LSAMP: variants seen among roughly 807,000 people sequenced by gnomAD.
LSAMP encodes the protein limbic system-associated membrane protein.
Under a neutral mutation model 38.6 loss-of-function variants are expected in LSAMP, and 7 were observed. The observed-to-expected ratio is 0.18, with a 90% CI of 0.10 to 0.34. The LOEUF (loss-of-function observed/expected upper bound fraction) is 0.34, where lower values mean the gene tolerates loss of function less well. Ranked by LOEUF, LSAMP falls within the 10% of genes least tolerant of loss-of-function variation. The pLI, the probability that LSAMP is intolerant of heterozygous loss-of-function variation, is 1.00. For missense variants in LSAMP, 313 were observed against 420.0 expected (o/e 0.75, Z 2.23); for synonymous variants, 154 against 166.8 (o/e 0.92, Z 0.59).
At chr3:116,060,252 A>G (rs1433930016) in intron 2 of LSAMP, among the ~76,000 whole-genome samples, 2 of 149,446 alleles carry the variant, frequency 1.3e-5, no homozygotes, top group African/African-American at 5.0e-5. Context: ...AATTCTGAGT[A>G]TGAGTTCTTT....
At chr3:116,027,685 G>T (rs781277686) in intron 2 of LSAMP, among the ~76,000 whole-genome samples, 1 of 152,054 alleles carries the variant, frequency 6.6e-6, no homozygotes, top group Non-Finnish European at 1.5e-5. Flanking sequence ...TGTCAGTTTG[G>T]TTGCTTTAAA....
At chr3:116,096,918 TCTC>T (rs1316004980) in intron 1 of LSAMP, among the ~76,000 whole-genome samples, 3 of 152,220 alleles carry the variant, frequency 2.0e-5, no homozygotes, top group Non-Finnish European at 4.4e-5. Flanking sequence ...AACTAGAAAT[TCTC>T]CTCTTTCCTC....
chr3:116,207,737 C>G (rs1182082813), intron 1 of LSAMP, among the ~76,000 whole-genome samples: 2 of 151,928 alleles, frequency 1.3e-5, no homozygotes, highest in African/African-American at 2.4e-5. Flanking sequence ...TTGGTCCCCA[C>G]TCTCTTCTGG....
At chr3:116,124,115 T>A (rs1221311983) in intron 1 of LSAMP, among the ~76,000 whole-genome samples, 1 of 152,126 alleles carries the variant, frequency 6.6e-6, no homozygotes, top group African/African-American at 2.4e-5. Context: ...GAAAGAACAA[T>A]GGAATCACTC....
chr3:116,307,244 G>C lies in LSAMP; in HGVS notation c.155+137633C>G, dbSNP rs368281130. 3.3e-5 allele frequency among the ~76,000 whole-genome samples: 5 copies of C among 152,106 alleles called. No homozygotes were observed. In the East Asian group the frequency reaches 5.8e-4, roughly 18 times the overall value. On this transcript the variant is annotated intron_variant, in intron 1 of 6. Transcript: ENST00000490035. Reference sequence around the variant, plus strand: ...TTAAATGGACAGAACACTATAATAAGTAATTTAGAAGAGCAGATAATCCAA... The same window carrying C: ...TTAAATGGACAGAACACTATAATAACTAATTTAGAAGAGCAGATAATCCAA...
At chr3:116,331,336 C>G (rs1001741273) in intron 1 of LSAMP, among the ~76,000 whole-genome samples, 1 of 152,060 alleles carries the variant, frequency 6.6e-6, no homozygotes. Context: ...CCAGAGAGAA[C>G]ATTTGAAAAA....
At chr3:116,206,615 G>A (rs368820222) in intron 1 of LSAMP, among the ~76,000 whole-genome samples, 64 of 145,862 alleles carry the variant, frequency 4.4e-4, no homozygotes, top group African/African-American at 1.5e-3. Context: ...CTTTGTTCTC[G>A]TTGGTTTCAA....
intron 1 of LSAMP, among the ~76,000 whole-genome samples, chr3:116,296,647 A>G (rs2047338799): frequency 7.5e-6 from 1 of 134,136 alleles, no homozygotes; most frequent in Admixed American, 8.6e-5. Context: ...GTGAGCCCAG[A>G]TTGCGCCACT....
chr3:115,878,219 C>T (rs984887113), intron 3 of LSAMP, among the ~76,000 whole-genome samples: 1 of 151,980 alleles, frequency 6.6e-6, no homozygotes, highest in Non-Finnish European at 1.5e-5. Context: ...ACAGTAATCT[C>T]TTAGCATGAG....
At chr3:116,201,115 G>A (rs536189692) in intron 1 of LSAMP, among the ~76,000 whole-genome samples, 11 of 152,210 alleles carry the variant, frequency 7.2e-5, no homozygotes, top group Admixed American at 2.6e-4. Context: ...TGTTTGATCC[G>A]CTCCCAGTCC....
At chr3:115,847,591 A>G (rs1935199610) in intron 4 of LSAMP, among the ~76,000 whole-genome samples, 2 of 152,156 alleles carry the variant, frequency 1.3e-5, no homozygotes, top group Non-Finnish European at 2.9e-5. Flanking sequence ...AGGTAATTGA[A>G]TCATGGGGGC....
chr3:116,332,642 T>C (rs1230658871), intron 1 of LSAMP, among the ~76,000 whole-genome samples: 1 of 152,176 alleles, frequency 6.6e-6, no homozygotes, highest in African/African-American at 2.4e-5. Context: ...TCTGTTCCTA[T>C]CTGTAATTAC....
At chr3:116,366,115 C>T (rs535657472) in intron 1 of LSAMP, among the ~76,000 whole-genome samples, 295 of 147,448 alleles carry the variant, frequency 2.0e-3, no homozygotes, top group African/African-American at 7.0e-3. Context: ...TTTTTGCAGT[C>T]TATCCATCTC....
At chr3:116,074,511 G>A (rs1182765351) in intron 2 of LSAMP, among the ~76,000 whole-genome samples, 4 of 152,012 alleles carry the variant, frequency 2.6e-5, no homozygotes, top group Non-Finnish European at 2.9e-5. Context: ...ACACAGAAAT[G>A]GAATTACTGA....
chr3:116,297,001 G>A (rs987102116), intron 1 of LSAMP, among the ~76,000 whole-genome samples: 7 of 152,078 alleles, frequency 4.6e-5, no homozygotes, highest in Non-Finnish European at 7.3e-5. Flanking sequence ...TCTTTTCCTC[G>A]TATCTCTTGC....
At chr3:116,268,308 C>T (rs1460843551) in intron 1 of LSAMP, among the ~76,000 whole-genome samples, 1 of 152,070 alleles carries the variant, frequency 6.6e-6, no homozygotes, top group African/African-American at 2.4e-5. Context: ...ATGTACACCA[C>T]AAATGCTCCT....
chr3:116,228,865 A>G (rs2046369909), intron 1 of LSAMP, among the ~76,000 whole-genome samples: 1 of 152,072 alleles, frequency 6.6e-6, no homozygotes, highest in African/African-American at 2.4e-5. Flanking sequence ...TATATTCAAT[A>G]TCTCATCCAG....
intron 4 of LSAMP, among the ~76,000 whole-genome samples, chr3:115,849,490 C>G (rs1364037506): frequency 6.8e-6 from 1 of 147,702 alleles, no homozygotes; most frequent in Non-Finnish European, 1.5e-5. Flanking sequence ...TTTTTTTTTT[C>G]TTGTAGTGGT....
chr3:115,855,989 C>T (rs1167609161), intron 3 of LSAMP, among the ~76,000 whole-genome samples: 2 of 152,182 alleles, frequency 1.3e-5, no homozygotes, highest in Admixed American at 1.3e-4. Context: ...ATTATCTCTA[C>T]TGCTTCACTT....
Sources: gnomAD v4.1 joint callset for allele counts (sites outside exome capture counted in the v4.1 genomes callset) on GRCh38, gnomAD v4.1.1 for gene constraint, MANE v1.5 for transcripts, NCBI Gene and HGNC (gene_info 2026-07-23, HGNC 2026-07-21) for gene names.